The following VAV3 variants were observed in gnomAD, a reference collection of about 807,000 sequenced individuals.
VAV3 encodes vav guanine nucleotide exchange factor 3.
VAV3 carries 94 observed loss-of-function variants against 131.2 expected under a neutral mutation model. The observed-to-expected ratio is 0.72, with a 90% CI of 0.61 to 0.85. The LOEUF (loss-of-function observed/expected upper bound fraction) is 0.85, where lower values mean the gene tolerates loss of function less well. Among genes scored for constraint, VAV3 ranks in the 40% least tolerant of loss-of-function variants. The pLI is 0.00. For synonymous variants in VAV3, 349 were observed against 342.0 expected (o/e 1.02, Z -0.22); for missense variants, 939 against 1,002.7 (o/e 0.94, Z 0.86).
intron 19 of VAV3, among the ~76,000 whole-genome samples, chr1:107,658,587 T>C (rs1429500331): frequency 6.6e-6 from 1 of 151,966 alleles, no homozygotes; most frequent in East Asian, 1.9e-4. Flanking sequence ...TCTTCCTATT[T>C]CTCCACATCC....
At position 107,777,285 on chromosome 1, in the gene VAV3, GT is replaced by G; in HGVS notation, c.391del (p.Thr131GlnfsTer17). The G allele has an allele frequency of 6.2e-7, 1 of 1,613,788 alleles. No homozygotes were observed. Among genetic ancestry groups the G allele is most frequent in the East Asian group, 2.2e-5 (1 of 44,888 alleles). On this transcript the variant is annotated frameshift_variant, in exon 4 of 27. Coordinates refer to ENST00000370056, the MANE Select transcript of VAV3 (RefSeq NM_006113.5). LOFTEE classifies it high-confidence loss of function. Reference sequence around the variant, plus strand: ...GTCTTCATCATTAATGCTTTCTTCTGTTGGGAAGGGCCTAGGAAGAGGAGAA... The same window carrying G: ...GTCTTCATCATTAATGCTTTCTTCTGTGGGAAGGGCCTAGGAAGAGGAGAA... ...ALATGIRPFP[T>X]EESINDEDIY...
chr1:107,943,834 C>T (rs1674116700), intron 1 of VAV3, among the ~76,000 whole-genome samples: 1 of 152,222 alleles, frequency 6.6e-6, no homozygotes, highest in Non-Finnish European at 1.5e-5. Flanking sequence ...GCAGCAAATG[C>T]TATTCCACCC....
At chr1:107,810,429 T>A (rs1271730128) in intron 2 of VAV3, among the ~76,000 whole-genome samples, 1 of 152,012 alleles carries the variant, frequency 6.6e-6, no homozygotes, top group African/African-American at 2.4e-5. Context: ...CAAGTCCCTT[T>A]CCAGTCATAC....
intron 20 of VAV3, among the ~76,000 whole-genome samples, chr1:107,636,874 T>C (rs1353696306): frequency 1.3e-5 from 2 of 152,108 alleles, no homozygotes; most frequent in Non-Finnish European, 2.9e-5. Context: ...ACTAACTAAC[T>C]ATACTAGCAA....
intron 18 of VAV3, among the ~76,000 whole-genome samples, chr1:107,687,873 A>C (rs1274967469): frequency 6.6e-6 from 1 of 152,188 alleles, no homozygotes; most frequent in African/African-American, 2.4e-5. Flanking sequence ...AGGAGACTCT[A>C]TGTTAAACCA....
intron 17 of VAV3, among the ~76,000 whole-genome samples, chr1:107,697,001 C>G (rs1400543230): frequency 6.6e-6 from 1 of 152,154 alleles, no homozygotes; most frequent in African/African-American, 2.4e-5. Context: ...AGCTGAGAAG[C>G]AGCTCATAAA....
intron 19 of VAV3, chr1:107,669,281 T>A: frequency 7.8e-7 from 1 of 1,282,572 alleles, no homozygotes; most frequent in Non-Finnish European, 1.0e-6. Flanking sequence ...CTTCGCTGTG[T>A]AAGTGGGGAC....
At position 107,652,055 on chromosome 1, in the gene VAV3, A is replaced by G. The variant is rs1656213809; in HGVS notation, c.1778-9300T>C. ...GCTGGGTAAAATAAGGCTGACACCT[A>G]GTGGGCTGCACTCCCAGACGGTTAA... On this transcript the variant is annotated intron_variant, in intron 19 of 26. Transcript: ENST00000370056. Among the ~76,000 whole-genome samples, 4 of 152,176 alleles carry G rather than the reference A, an allele frequency of 2.6e-5. 1 individual carries two copies. The South Asian group carries it at 8.3e-4, about 32-fold the overall frequency.
At chr1:107,779,728 C>T (rs2102226910) in intron 2 of VAV3, among the ~76,000 whole-genome samples, 1 of 151,932 alleles carries the variant, frequency 6.6e-6, no homozygotes, top group South Asian at 2.1e-4. Context: ...ATTACTAACC[C>T]ATTTGAGTTG....
chr1:107,664,172 C>T (rs1220622385), intron 19 of VAV3, among the ~76,000 whole-genome samples: 1 of 151,814 alleles, frequency 6.6e-6, no homozygotes. Context: ...TCACTCTTTG[C>T]CCTCCCCTCC....
intron 19 of VAV3, among the ~76,000 whole-genome samples, chr1:107,681,849 A>G (rs910747230): frequency 1.8e-4 from 28 of 151,870 alleles, no homozygotes; most frequent in Non-Finnish European, 2.6e-4. Flanking sequence ...TTTAGTAGAG[A>G]TGGGGTTTCA....
chr1:107,668,933 C>T (rs1228259081), intron 19 of VAV3: 7 of 988,154 alleles, frequency 7.1e-6, no homozygotes, highest in Non-Finnish European at 7.2e-6. Flanking sequence ...CTTATCTCAA[C>T]GTGTTTATTT....
At chr1:107,653,775 A>G (rs1203303184) in intron 19 of VAV3, among the ~76,000 whole-genome samples, 3 of 150,388 alleles carry the variant, frequency 2.0e-5, no homozygotes, top group African/African-American at 7.5e-5. Context: ...TTGAAAATAG[A>G]TAAAATTTTT....
In VAV3 at chr1:107,642,634, G is replaced by A; in HGVS notation, c.1899C>T (p.His633=). The change falls in exon 20 of 27, where the codon CAC becomes CAT. Residue 633 remains histidine, a synonymous_variant. Transcript: ENST00000370056. ...DTVELLKGDA[H]SLFWQGRNLA... The stretch of plus-strand genomic sequence containing the variant: ...ACAACAGTACCTGCCAAAACAGACT[G>A]TGTGCATCTCCTTTCAGAAGTTCAA... The A allele has an allele frequency of 3.7e-6, 6 of 1,612,974 alleles. No individual in the cohort carries two copies. Among genetic ancestry groups the A allele is most frequent in the Non-Finnish European group, 5.1e-6 (6 of 1,179,436 alleles).
chr1:107,876,480 G>A (rs2101024103), intron 1 of VAV3, among the ~76,000 whole-genome samples: 1 of 152,188 alleles, frequency 6.6e-6, no homozygotes, highest in East Asian at 1.9e-4. Context: ...CTGATAGAGA[G>A]GGGAAAGCTG....
intron 2 of VAV3, among the ~76,000 whole-genome samples, chr1:107,799,890 C>T (rs1471917959): frequency 6.6e-6 from 1 of 152,194 alleles, no homozygotes; most frequent in Non-Finnish European, 1.5e-5. Context: ...CAATCTCTCT[C>T]TGTCTTCATA....
At chr1:107,669,315 G>C (rs1657617713) in intron 19 of VAV3, 5 of 1,289,408 alleles carry the variant, frequency 3.9e-6, no homozygotes, top group Non-Finnish European at 5.1e-6. Context: ...CAGTATTGTT[G>C]CTGGACACCA....
intron 1 of VAV3, among the ~76,000 whole-genome samples, chr1:107,879,081 C>T (rs1399374135): frequency 2.0e-5 from 3 of 152,020 alleles, no homozygotes; most frequent in Non-Finnish European, 2.9e-5. Context: ...GGAGTCCCTT[C>T]AAATTGGTTC....
chr1:107,571,448 TA>T lies in VAV3; in HGVS notation c.*1882del, dbSNP rs957705633. The stretch of plus-strand genomic sequence containing the variant: ...GGCCCATGAAATGCAACAGGAAGAC[TA>T]AACACCATTTATAAGGAGAGGGTCT... On this transcript the variant is annotated 3_prime_UTR_variant, in exon 27 of 27. Transcript: ENST00000370056. 1.3e-5 allele frequency: 2 copies of T among 152,634 alleles called. No individual in the cohort carries two copies. Among genetic ancestry groups the T allele is most frequent in the Non-Finnish European group, 2.9e-5 (2 of 68,042 alleles). 9.5% of individuals were successfully genotyped at this position (152,634 alleles called of 1,614,324 possible). A position where few individuals can be genotyped will look rare whatever the true frequency, so the allele number is the denominator to read the frequency against.
Sources: allele counts gnomAD v4.1 joint callset (sites outside exome capture counted in the v4.1 genomes callset), GRCh38; gene constraint gnomAD v4.1.1; transcripts MANE v1.5; gene names NCBI Gene and HGNC (gene_info 2026-07-23, HGNC 2026-07-21).